NCKAP5: variants seen among roughly 807,000 people sequenced by gnomAD.
NCKAP5 encodes nck-associated protein 5.
Under a neutral mutation model 167.0 loss-of-function variants are expected in NCKAP5, and 92 were observed. That is an observed-to-expected ratio of 0.55 (90% CI 0.47 to 0.66). The LOEUF (loss-of-function observed/expected upper bound fraction) is 0.66, where lower values mean the gene tolerates loss of function less well. Among genes scored for constraint, NCKAP5 ranks in the 30% least tolerant of loss-of-function variants. The probability of loss-of-function intolerance (pLI) is 0.00; values close to 1 mark genes in which losing one functional copy is unlikely to be tolerated. For missense variants in NCKAP5, 2,378 were observed against 2,315.0 expected (o/e 1.03, Z -0.56); for synonymous variants, 891 against 877.4 (o/e 1.02, Z -0.27).
chr2:133,137,750 G>T (rs952593303), intron 5 of NCKAP5, among the ~76,000 whole-genome samples: 2 of 152,192 alleles, frequency 1.3e-5, no homozygotes, highest in Non-Finnish European at 2.9e-5. Context: ...AAGATAAAAT[G>T]AAGGTGTTAG....
intron 3 of NCKAP5, among the ~76,000 whole-genome samples, chr2:133,421,356 T>A (rs1010406095): frequency 1.3e-5 from 2 of 151,608 alleles, no homozygotes; most frequent in African/African-American, 4.8e-5. Context: ...TAACATCGAA[T>A]AGTGCTTACA....
chr2:132,942,076 A>T (rs1697341115), intron 8 of NCKAP5, among the ~76,000 whole-genome samples: 1 of 152,226 alleles, frequency 6.6e-6, no homozygotes, highest in Non-Finnish European at 1.5e-5. Flanking sequence ...ATATATGTTC[A>T]TTCACATTTG....
intron 5 of NCKAP5, among the ~76,000 whole-genome samples, chr2:133,200,730 G>A (rs190078361): frequency 3.9e-5 from 6 of 152,202 alleles, no homozygotes; most frequent in Admixed American, 6.5e-5. Flanking sequence ...AGACTGATAC[G>A]TTTACAAAAA....
intron 3 of NCKAP5, among the ~76,000 whole-genome samples, chr2:133,363,551 G>A (rs1685262399): frequency 6.6e-6 from 1 of 152,098 alleles, no homozygotes; most frequent in Non-Finnish European, 1.5e-5. Context: ...AACAGAAATT[G>A]ATTACTATAG....
chr2:133,497,865 G>GA (rs1295922099), intron 3 of NCKAP5, among the ~76,000 whole-genome samples: 1 of 152,156 alleles, frequency 6.6e-6, no homozygotes. Flanking sequence ...AAACAATGCA[G>GA]AAAAAACTAC....
At chr2:133,624,284 A>G in the NCKAP5 span, among the ~76,000 whole-genome samples, 150 of 152,202 alleles carry the variant, frequency 9.9e-4, 1 homozygote, top group African/African-American at 3.5e-3. Flanking sequence ...TTTTTTTTTA[A>G]TTAAAAATAA....
intron 11 of NCKAP5, among the ~76,000 whole-genome samples, chr2:132,849,164 A>G (rs2105470338): frequency 6.6e-6 from 1 of 152,246 alleles, no homozygotes; most frequent in East Asian, 1.9e-4. Context: ...GTTACAAGCT[A>G]ATTTCTCTCT....
chr2:132,938,567 C>T (rs776886169), intron 8 of NCKAP5, among the ~76,000 whole-genome samples: 1 of 152,176 alleles, frequency 6.6e-6, no homozygotes, highest in Middle Eastern at 3.4e-3. Flanking sequence ...TTGAAGACTG[C>T]CTGGTTAAAG....
intron 3 of NCKAP5, among the ~76,000 whole-genome samples, chr2:133,380,804 C>T (rs1023375469): frequency 3.9e-5 from 6 of 152,206 alleles, no homozygotes; most frequent in Admixed American, 2.0e-4. Context: ...TGCACATTAA[C>T]TTGGAGAAGC....
chr2:133,378,270 G>C (rs1470057805), intron 3 of NCKAP5, among the ~76,000 whole-genome samples: 1 of 151,880 alleles, frequency 6.6e-6, no homozygotes, highest in Non-Finnish European at 1.5e-5. Context: ...GCCTGGACTA[G>C]ACCAAAGAGA....
At chr2:133,639,921 C>T in the NCKAP5 span, among the ~76,000 whole-genome samples, 9 of 151,996 alleles carry the variant, frequency 5.9e-5, no homozygotes, top group Non-Finnish European at 1.0e-4. Context: ...TTATCATGGA[C>T]GAATCCCACC....
At chr2:133,043,070 C>G (rs965289695) in intron 6 of NCKAP5, among the ~76,000 whole-genome samples, 20 of 152,100 alleles carry the variant, frequency 1.3e-4, no homozygotes, top group Non-Finnish European at 2.6e-4. Flanking sequence ...GTGGGGCTTC[C>G]CACTTGAAGT....
intron 19 of NCKAP5, among the ~76,000 whole-genome samples, chr2:132,685,722 CT>C (rs1558919026): frequency 1.3e-5 from 2 of 152,146 alleles, no homozygotes; most frequent in Admixed American, 6.5e-5. Flanking sequence ...GTCTGTTTTT[CT>C]CCCCATGGAA....
At chr2:132,701,352 T>C (rs898099756) in intron 19 of NCKAP5, among the ~76,000 whole-genome samples, 1 of 152,210 alleles carries the variant, frequency 6.6e-6, no homozygotes, top group Non-Finnish European at 1.5e-5. Flanking sequence ...ATTTGGTCTC[T>C]GGTCTCTGTA....
the NCKAP5 span, among the ~76,000 whole-genome samples, chr2:133,670,705 G>T: frequency 6.6e-6 from 1 of 152,098 alleles, no homozygotes; most frequent in Admixed American, 6.5e-5. Flanking sequence ...AAAAACCTAA[G>T]ATTTTAAGCC....
At chr2:133,371,966 A>G (rs1471365558) in intron 3 of NCKAP5, among the ~76,000 whole-genome samples, 1 of 152,210 alleles carries the variant, frequency 6.6e-6, no homozygotes, top group African/African-American at 2.4e-5. Flanking sequence ...CAAGCTTATC[A>G]TTATACTAGA....
chr2:132,912,064 T>G (rs1694498212), intron 8 of NCKAP5, among the ~76,000 whole-genome samples: 1 of 152,154 alleles, frequency 6.6e-6, no homozygotes, highest in African/African-American at 2.4e-5. Flanking sequence ...AGAGTACTCA[T>G]AGTTTTCTAC....
intron 19 of NCKAP5, among the ~76,000 whole-genome samples, chr2:132,699,575 C>T (rs1253639425): frequency 6.6e-6 from 1 of 151,882 alleles, no homozygotes; most frequent in Non-Finnish European, 1.5e-5. Context: ...TGAGAACATG[C>T]AGTGTTTGGT....
intron 3 of NCKAP5, among the ~76,000 whole-genome samples, chr2:133,366,169 T>C (rs1685447361): frequency 6.6e-6 from 1 of 152,214 alleles, no homozygotes; most frequent in South Asian, 2.1e-4. Flanking sequence ...GACAACCATT[T>C]TGAGTAACAA....
Sources: gnomAD v4.1 joint callset for allele counts (sites outside exome capture counted in the v4.1 genomes callset) on GRCh38, gnomAD v4.1.1 for gene constraint, MANE v1.5 for transcripts, NCBI Gene and HGNC (gene_info 2026-07-23, HGNC 2026-07-21) for gene names.